CNTNAP2: variants seen among roughly 807,000 people sequenced by gnomAD.
The protein encoded by CNTNAP2 is contactin associated protein 2.
A neutral mutation model predicts 155.2 loss-of-function variants in CNTNAP2; 98 were observed. The ratio of observed to expected loss-of-function variants is 0.63; its 90% CI spans 0.54 to 0.75. The LOEUF (loss-of-function observed/expected upper bound fraction) is 0.75, where lower values mean the gene tolerates loss of function less well. Among genes scored for constraint, CNTNAP2 ranks in the 30% least tolerant of loss-of-function variants. CNTNAP2 has a pLI of 0.00. For missense variants in CNTNAP2, 1,727 were observed against 1,688.1 expected (o/e 1.02, Z -0.40); for synonymous variants, 651 against 631.2 (o/e 1.03, Z -0.47).
intron 3 of CNTNAP2, among the ~76,000 whole-genome samples, chr7:146,892,141 T>C (rs1057150457): frequency 9.9e-5 from 15 of 152,164 alleles, no homozygotes; most frequent in African/African-American, 3.4e-4. Context: ...TCAGCTTAGA[T>C]TGAAGGAACT....
intron 15 of CNTNAP2, among the ~76,000 whole-genome samples, chr7:147,986,153 T>C (rs1801615043): frequency 6.6e-6 from 1 of 152,108 alleles, no homozygotes; most frequent in African/African-American, 2.4e-5. Flanking sequence ...AGGCAATCTA[T>C]GTAGGATGAT....
chr7:147,839,442 C>T (rs1798689188), intron 13 of CNTNAP2, among the ~76,000 whole-genome samples: 1 of 152,076 alleles, frequency 6.6e-6, no homozygotes, highest in Admixed American at 6.6e-5. Context: ...CACAGTGAGG[C>T]TGGGTGGCGG....
At chr7:147,698,049 A>G (rs75116481) in intron 13 of CNTNAP2, among the ~76,000 whole-genome samples, 8,904 of 152,126 alleles carry the variant, frequency 0.059, 351 homozygotes, top group Middle Eastern at 0.11. Context: ...GCTCATAATG[A>G]GTTTTCTGCT....
intron 1 of CNTNAP2, among the ~76,000 whole-genome samples, chr7:146,340,027 G>A (rs993284600): frequency 6.6e-6 from 1 of 151,854 alleles, no homozygotes; most frequent in African/African-American, 2.4e-5. Flanking sequence ...AAATTAGCCG[G>A]GCATGGTGGT....
At chr7:147,030,591 C>T (rs1451469014) in intron 3 of CNTNAP2, among the ~76,000 whole-genome samples, 1 of 152,052 alleles carries the variant, frequency 6.6e-6, no homozygotes, top group Non-Finnish European at 1.5e-5. Flanking sequence ...TTCTTATTTC[C>T]TGTTCCACTC....
At chr7:147,167,565 G>A (rs1478176328) in intron 8 of CNTNAP2, 6 of 793,156 alleles carry the variant, frequency 7.6e-6, no homozygotes, top group South Asian at 3.2e-5. Flanking sequence ...CCCAGATGAC[G>A]ATGATGACCT....
At chr7:147,886,728 C>A (rs1469642947) in intron 13 of CNTNAP2, among the ~76,000 whole-genome samples, 1 of 152,112 alleles carries the variant, frequency 6.6e-6, no homozygotes. Context: ...CCGAATCATA[C>A]CTGAGGAGGT....
intron 3 of CNTNAP2, among the ~76,000 whole-genome samples, chr7:146,957,951 T>G (rs950185853): frequency 6.6e-6 from 1 of 152,194 alleles, no homozygotes; most frequent in Admixed American, 6.5e-5. Context: ...TCAATGAAAC[T>G]ATCAAGAATG....
At chr7:147,878,379 C>T (rs1177321259) in intron 13 of CNTNAP2, among the ~76,000 whole-genome samples, 1 of 151,834 alleles carries the variant, frequency 6.6e-6, no homozygotes, top group Non-Finnish European at 1.5e-5. Context: ...CTCAGCCTCC[C>T]TACCAGCCAC....
intron 1 of CNTNAP2, among the ~76,000 whole-genome samples, chr7:146,394,756 C>CT (rs1371283498): frequency 6.6e-6 from 1 of 151,910 alleles, no homozygotes; most frequent in Non-Finnish European, 1.5e-5. Context: ...ATTTCTTTTT[C>CT]TTTTTATAGA....
intron 1 of CNTNAP2, among the ~76,000 whole-genome samples, chr7:146,135,095 C>T (rs1256614017): frequency 1.3e-5 from 2 of 152,006 alleles, no homozygotes; most frequent in African/African-American, 4.8e-5. Context: ...GATGCTAATG[C>T]TGAGACTGAT....
At chr7:147,758,232 C>T (rs1220431623) in intron 13 of CNTNAP2, among the ~76,000 whole-genome samples, 1 of 152,178 alleles carries the variant, frequency 6.6e-6, no homozygotes, top group African/African-American at 2.4e-5. Flanking sequence ...CTAACATCAG[C>T]TAAAAGTCTG....
At chr7:146,524,991 T>G (rs1024890153) in intron 1 of CNTNAP2, among the ~76,000 whole-genome samples, 1 of 152,118 alleles carries the variant, frequency 6.6e-6, no homozygotes, top group African/African-American at 2.4e-5. Context: ...CATAAAATTG[T>G]GAAGTTTCAT....
intron 1 of CNTNAP2, among the ~76,000 whole-genome samples, chr7:146,316,514 T>C (rs1469335183): frequency 6.6e-6 from 1 of 152,030 alleles, no homozygotes; most frequent in Middle Eastern, 3.2e-3. Context: ...AACATAGGGC[T>C]GAGAATTAGG....
intron 21 of CNTNAP2, among the ~76,000 whole-genome samples, chr7:148,369,181 C>CTTTTTTTTTTTTTTTTTTTT (rs376460265): frequency 1.1e-5 from 1 of 92,306 alleles, no homozygotes; most frequent in African/African-American, 4.7e-5. Context: ...AATTGAATCC[C>CTTTTTTTTTTTTTTTTTTTT]TTTTTTTTTT....
chr7:146,191,598 T>C (rs1313828610), intron 1 of CNTNAP2, among the ~76,000 whole-genome samples: 1 of 152,060 alleles, frequency 6.6e-6, no homozygotes, highest in Admixed American at 6.6e-5. Context: ...TCCCTTATCT[T>C]CAACCGTATC....
At chr7:147,319,372 T>C (rs991777162) in intron 9 of CNTNAP2, among the ~76,000 whole-genome samples, 2 of 152,198 alleles carry the variant, frequency 1.3e-5, no homozygotes. Flanking sequence ...TGCACTTATA[T>C]ATAAGTAATG....
chr7:148,392,419 C>T (rs976021080), intron 22 of CNTNAP2, among the ~76,000 whole-genome samples: 11 of 152,202 alleles, frequency 7.2e-5, no homozygotes, highest in African/African-American at 2.2e-4. Flanking sequence ...GCTAGATTCT[C>T]AGCAAAGTTT....
chr7:146,162,377 G>A (rs1297092534), intron 1 of CNTNAP2, among the ~76,000 whole-genome samples: 7 of 152,180 alleles, frequency 4.6e-5, no homozygotes, highest in Non-Finnish European at 7.4e-5. Flanking sequence ...AAAAGAAGAC[G>A]TTTATGCAGC....
Sources: gnomAD v4.1 joint callset for allele counts (sites outside exome capture counted in the v4.1 genomes callset) on GRCh38, gnomAD v4.1.1 for gene constraint, MANE v1.5 for transcripts, NCBI Gene and HGNC (gene_info 2026-07-23, HGNC 2026-07-21) for gene names.